Variants in ABL1 observed in about 807,000 individuals in gnomAD.
ABL1 encodes the protein ABL proto-oncogene 1, non-receptor tyrosine kinase.
ABL1 carries 11 observed loss-of-function variants against 94.7 expected under a neutral mutation model. The ratio of observed to expected loss-of-function variants is 0.12; its 90% confidence interval spans 0.07 to 0.19. ABL1 has a LOEUF of 0.19. Among genes scored for constraint, ABL1 ranks in the 10% least tolerant of loss-of-function variants. ABL1 has a pLI of 1.00. For missense variants in ABL1, 1,082 were observed against 1,489.4 expected (o/e 0.73, Z 4.50); for synonymous variants, 656 against 622.4 (o/e 1.05, Z -0.80).
intron 1 of ABL1, among the ~76,000 whole-genome samples, chr9:130,783,135 T>C (rs530504439): frequency 6.6e-6 from 1 of 152,370 alleles, no homozygotes; most frequent in South Asian, 2.1e-4. Flanking sequence ...AATATTTTAA[T>C]TATGACCCAT....
At chr9:130,749,167 T>C (rs1410408150) in intron 1 of ABL1, among the ~76,000 whole-genome samples, 33 of 152,168 alleles carry the variant, frequency 2.2e-4, no homozygotes, top group Admixed American at 2.1e-3. Context: ...AGTTCTTTTT[T>C]GGTTCTTTGT....
intron 1 of ABL1, among the ~76,000 whole-genome samples, chr9:130,794,604 A>G (rs547933290): frequency 2.6e-5 from 4 of 152,250 alleles, no homozygotes; most frequent in East Asian, 3.9e-4. Context: ...GCATTTCTCA[A>G]CTGCATTGTT....
chr9:130,754,995 A>T (rs560932313), intron 1 of ABL1, among the ~76,000 whole-genome samples: 2 of 152,304 alleles, frequency 1.3e-5, no homozygotes, highest in Non-Finnish European at 2.9e-5. Flanking sequence ...TTGAGTACCA[A>T]GCCAAAGATT....
At chr9:130,754,635 T>C (rs1179188525) in intron 1 of ABL1, among the ~76,000 whole-genome samples, 2 of 151,770 alleles carry the variant, frequency 1.3e-5, no homozygotes, top group Admixed American at 1.3e-4. Flanking sequence ...TTGGACTCAG[T>C]ATGAAAAGAG....
intron 1 of ABL1, among the ~76,000 whole-genome samples, chr9:130,737,744 T>A (rs1831761916): frequency 6.6e-6 from 1 of 151,974 alleles, no homozygotes; most frequent in Non-Finnish European, 1.5e-5. Flanking sequence ...ATCTGCTCAG[T>A]TCCAGTGTCT....
At chr9:130,817,101 A>G (rs1004344316) in intron 1 of ABL1, among the ~76,000 whole-genome samples, 2 of 152,262 alleles carry the variant, frequency 1.3e-5, no homozygotes, top group Non-Finnish European at 2.9e-5. Flanking sequence ...AATGTCATAT[A>G]AGTAGAATTA....
chr9:130,803,621 A>G (rs1013614581), intron 1 of ABL1, among the ~76,000 whole-genome samples: 22 of 152,242 alleles, frequency 1.4e-4, no homozygotes, highest in African/African-American at 5.1e-4. Flanking sequence ...TAAAAAGGAA[A>G]GGAATCTGTT....
intron 1 of ABL1, among the ~76,000 whole-genome samples, chr9:130,761,044 T>C (rs1832107928): frequency 6.7e-6 from 1 of 149,668 alleles, no homozygotes; most frequent in South Asian, 2.1e-4. Context: ...GCCTCCCAGG[T>C]TCACACCATT....
At chr9:130,713,716 C>CG (rs1480550126) in exon 1 of ABL1, among the ~76,000 whole-genome samples, 1 of 152,188 alleles carries the variant, frequency 6.6e-6, no homozygotes, top group Non-Finnish European at 1.5e-5. Context: ...TTTTAAAAAG[C>CG]GGACTTAAAA....
rs1367430242 is a variant in ABL1 at position 130,835,481 on chromosome 9, A to C, written c.35A>C (p.Lys12Thr). ...LEICLKLVGC[K>T]SKKGLSSSSS... ...ATCTGCCTGAAGCTGGTGGGCTGCAAATCCAAGAAGGGGCTGTCCTCGTCC... is the reference window on the plus strand; with the variant it reads ...ATCTGCCTGAAGCTGGTGGGCTGCACATCCAAGAAGGGGCTGTCCTCGTCC... The change falls in exon 1 of 11, where the codon AAA becomes ACA. Residue 12 changes from lysine to threonine, a missense_variant. Physicochemically the swap from Lys to Thr is moderately conservative, Grantham distance 78. Transcript: ENST00000318560. This position sits in a 1 kb window ranked among gnomAD's most constrained non-coding sequence, Gnocchi z 4.6. The C allele has an allele frequency of 6.4e-7, 1 of 1,564,286 alleles. No individual in the cohort carries two copies. The highest frequency in any genetic ancestry group is 8.7e-7 in the Non-Finnish European group (1 of 1,154,006).
chr9:130,799,121 G>A (rs1380311679), intron 1 of ABL1, among the ~76,000 whole-genome samples: 1 of 152,144 alleles, frequency 6.6e-6, no homozygotes, highest in African/African-American at 2.4e-5. Flanking sequence ...AGCCAGGGGA[G>A]TCATAAAGCT....
At chr9:130,741,554 C>T (rs571115772) in intron 1 of ABL1, among the ~76,000 whole-genome samples, 15 of 148,416 alleles carry the variant, frequency 1.0e-4, no homozygotes, top group African/African-American at 2.5e-4. Context: ...TAACAGTTAC[C>T]GCACTGATGC....
Position 130,880,183 on chromosome 9 carries a change from G to A in ABL1, c.1513+26G>A, listed in dbSNP as rs1831427029. ...GTAAAGTACCCATCCCGGGGTACCT[G>A]CAGTGGGGTGAAAGGGCAGCCATGT... On this transcript the variant is annotated intron_variant, in intron 9 of 10. Transcript: ENST00000318560. This position sits in a 1 kb window ranked among gnomAD's most constrained non-coding sequence, Gnocchi z 4.4. 4 of 1,603,752 alleles carry A rather than the reference G, an allele frequency of 2.5e-6. No individual in the cohort carries two copies. The highest frequency in any genetic ancestry group is 1.3e-5 in the African/African-American group (1 of 74,520).
At chr9:130,860,475 A>G (rs928139126) in intron 3 of ABL1, among the ~76,000 whole-genome samples, 1 of 152,210 alleles carries the variant, frequency 6.6e-6, no homozygotes, top group African/African-American at 2.4e-5. Context: ...TTCTGCGTAA[A>G]CTAGGACTTA....
intron 1 of ABL1, among the ~76,000 whole-genome samples, chr9:130,795,464 T>G (rs930871994): frequency 1.3e-5 from 2 of 152,208 alleles, no homozygotes; most frequent in East Asian, 3.8e-4. Flanking sequence ...CTGCTTGAAG[T>G]CATCACACTT....
At chr9:130,827,410 C>T (rs1830440010) in intron 1 of ABL1, among the ~76,000 whole-genome samples, 1 of 152,206 alleles carries the variant, frequency 6.6e-6, no homozygotes, top group African/African-American at 2.4e-5. Flanking sequence ...GGCTGTGCCC[C>T]TTCCACGCAT....
At chr9:130,833,141 A>C (rs1830513946), upstream of ABL1, among the ~76,000 whole-genome samples, 1 of 152,262 alleles carries the variant, frequency 6.6e-6, no homozygotes, top group Admixed American at 6.5e-5. Flanking sequence ...GCACAAGGCA[A>C]GCAAATATCT....
upstream of ABL1, among the ~76,000 whole-genome samples, chr9:130,830,444 C>A (rs1830481326): frequency 6.6e-6 from 1 of 152,172 alleles, no homozygotes; most frequent in Admixed American, 6.5e-5. Flanking sequence ...GGTTGCAAAT[C>A]TTTGCTTTAG....
intron 10 of ABL1, among the ~76,000 whole-genome samples, chr9:130,882,851 T>C (rs530886919): frequency 1.3e-4 from 20 of 152,274 alleles, no homozygotes; most frequent in African/African-American, 2.9e-4. Context: ...AGATTTCTTA[T>C]GAGCTATGAT....
Sources: gnomAD v4.1 joint callset for allele counts (sites outside exome capture counted in the v4.1 genomes callset) on GRCh38, gnomAD v4.1.1 for gene constraint, Gnocchi (gnomAD v3.1) non-coding constraint, MANE v1.5 for transcripts, NCBI Gene and HGNC (gene_info 2026-07-23, HGNC 2026-07-21) for gene names.